Variants in CNTNAP2 observed in about 807,000 individuals in gnomAD.
CNTNAP2 encodes contactin associated protein 2, also known as contactin-associated protein-like 2.
In CNTNAP2, 98 loss-of-function variants were observed where a neutral mutation model predicts 155.2. That is an observed-to-expected ratio of 0.63 (90% CI 0.54 to 0.75). CNTNAP2 has a LOEUF of 0.75. Among genes scored for constraint, CNTNAP2 ranks in the 30% least tolerant of loss-of-function variants. The probability of loss-of-function intolerance (pLI) is 0.00; values close to 1 mark genes in which losing one functional copy is unlikely to be tolerated. For synonymous variants in CNTNAP2, 651 were observed against 631.2 expected, an observed-to-expected ratio of 1.03 and a Z score of -0.47; for missense variants, 1,727 against 1,688.1, an observed-to-expected ratio of 1.02 and a Z score of -0.40.
chr7:148,165,453 T>A (rs1805636288), intron 17 of CNTNAP2, among the ~76,000 whole-genome samples: 1 of 152,198 alleles, frequency 6.6e-6, no homozygotes, highest in African/African-American at 2.4e-5. Context: ...AGTATCAGAT[T>A]TATATACACA....
At chr7:146,583,851 C>T (rs546646743) in intron 1 of CNTNAP2, among the ~76,000 whole-genome samples, 1 of 152,040 alleles carries the variant, frequency 6.6e-6, no homozygotes, top group Non-Finnish European at 1.5e-5. Flanking sequence ...TATTGTGAGC[C>T]ATATTTATAC....
intron 1 of CNTNAP2, among the ~76,000 whole-genome samples, chr7:146,607,588 C>A (rs1166844208): frequency 6.6e-6 from 1 of 151,866 alleles, no homozygotes; most frequent in African/African-American, 2.4e-5. Flanking sequence ...GCATTTCTCC[C>A]ACCTAAGCCT....
At chr7:146,912,739 A>C (rs1333080782) in intron 3 of CNTNAP2, among the ~76,000 whole-genome samples, 1 of 152,162 alleles carries the variant, frequency 6.6e-6, no homozygotes, top group East Asian at 1.9e-4. Flanking sequence ...GACTGTGAAA[A>C]ACAAAGGCTT....
intron 20 of CNTNAP2, among the ~76,000 whole-genome samples, chr7:148,261,445 C>T (rs1202008132): frequency 6.6e-6 from 1 of 152,230 alleles, no homozygotes; most frequent in African/African-American, 2.4e-5. Flanking sequence ...AGGCGTGAGC[C>T]ACCACGCCCA....
chr7:146,777,824 G>C (rs376396995), intron 2 of CNTNAP2, among the ~76,000 whole-genome samples: 1 of 152,138 alleles, frequency 6.6e-6, no homozygotes, highest in South Asian at 2.1e-4. Context: ...ATATGCAAAT[G>C]CCCTTGGGAG....
intron 3 of CNTNAP2, among the ~76,000 whole-genome samples, chr7:146,922,878 C>A: frequency 6.6e-6 from 1 of 152,068 alleles, no homozygotes; most frequent in Non-Finnish European, 1.5e-5. Flanking sequence ...ATTTTTTACT[C>A]TACGGGAAAT....
chr7:147,943,457 T>A (rs1184677029), intron 14 of CNTNAP2, among the ~76,000 whole-genome samples: 1 of 152,114 alleles, frequency 6.6e-6, no homozygotes, highest in East Asian at 1.9e-4. Flanking sequence ...AATCTCACTC[T>A]GAAAGCTGTA....
chr7:147,834,027 A>G (rs1798595082), intron 13 of CNTNAP2, among the ~76,000 whole-genome samples: 1 of 152,234 alleles, frequency 6.6e-6, no homozygotes, highest in African/African-American at 2.4e-5. Flanking sequence ...AAGAATTGAA[A>G]GATTAGATAT....
At chr7:146,906,808 CTT>C (rs1796139354) in intron 3 of CNTNAP2, among the ~76,000 whole-genome samples, 2 of 151,560 alleles carry the variant, frequency 1.3e-5, no homozygotes, top group South Asian at 4.2e-4. Flanking sequence ...TGGAGAATGA[CTT>C]TGACGAGCTG....
intron 3 of CNTNAP2, among the ~76,000 whole-genome samples, chr7:146,884,432 A>G (rs986282139): frequency 6.6e-6 from 1 of 151,892 alleles, no homozygotes; most frequent in Non-Finnish European, 1.5e-5. Context: ...TTTGGCTGTT[A>G]CTACTATACA....
intron 21 of CNTNAP2, among the ~76,000 whole-genome samples, chr7:148,334,191 C>T (rs1281740777): frequency 3.3e-5 from 5 of 152,122 alleles, no homozygotes; most frequent in Non-Finnish European, 7.4e-5. Flanking sequence ...TGTGTCTGAC[C>T]TGGAATTCAG....
At chr7:148,379,911 G>GT (rs931929688) in intron 21 of CNTNAP2, among the ~76,000 whole-genome samples, 23 of 152,136 alleles carry the variant, frequency 1.5e-4, no homozygotes, top group Middle Eastern at 3.2e-3. Context: ...TTGGCATTCA[G>GT]TAACTGAACA....
intron 3 of CNTNAP2, among the ~76,000 whole-genome samples, chr7:146,975,740 G>A (rs1797897190): frequency 6.6e-6 from 1 of 152,112 alleles, no homozygotes; most frequent in Non-Finnish European, 1.5e-5. Flanking sequence ...TTATTTTGAG[G>A]TGCCAGAGCA....
chr7:147,014,249 C>T (rs1045489681), intron 3 of CNTNAP2, among the ~76,000 whole-genome samples: 3 of 145,626 alleles, frequency 2.1e-5, no homozygotes, highest in Non-Finnish European at 4.5e-5. Context: ...CATAAAAAAC[C>T]CTGTATCGTT....
chr7:148,016,778 T>C (rs1010258934), intron 15 of CNTNAP2, among the ~76,000 whole-genome samples: 1 of 152,090 alleles, frequency 6.6e-6, no homozygotes, highest in Non-Finnish European at 1.5e-5. Context: ...TCACAGAGGT[T>C]TTTTCATGCT....
chr7:147,408,310 A>T (rs1020564363), intron 10 of CNTNAP2, among the ~76,000 whole-genome samples: 1 of 152,214 alleles, frequency 6.6e-6, no homozygotes, highest in Non-Finnish European at 1.5e-5. Context: ...AGTTCAAGGC[A>T]CATGCTATAG....
At chr7:146,842,125 G>T (rs530883674) in intron 3 of CNTNAP2, among the ~76,000 whole-genome samples, 9 of 152,168 alleles carry the variant, frequency 5.9e-5, no homozygotes, top group Middle Eastern at 3.4e-3. Context: ...GACCTCAGGT[G>T]ATCTACTTGC....
At chr7:147,335,737 C>T (rs1371073646) in intron 9 of CNTNAP2, among the ~76,000 whole-genome samples, 1 of 152,164 alleles carries the variant, frequency 6.6e-6, no homozygotes, top group African/African-American at 2.4e-5. Flanking sequence ...AACCCATCCT[C>T]TCTATTGTGT....
chr7:148,345,071 G>A (rs1168641991), intron 21 of CNTNAP2, among the ~76,000 whole-genome samples: 4 of 152,182 alleles, frequency 2.6e-5, no homozygotes, highest in East Asian at 1.9e-4. Context: ...TACCAAGCCC[G>A]AGTGTGGCCA....
Sources: gnomAD v4.1 joint callset for allele counts (sites outside exome capture counted in the v4.1 genomes callset) on GRCh38, gnomAD v4.1.1 for gene constraint, MANE v1.5 for transcripts, NCBI Gene and HGNC (gene_info 2026-07-23, HGNC 2026-07-21) for gene names.